Variants in RP1 observed in about 807,000 individuals in gnomAD.
RP1 encodes the protein RP1 axonemal microtubule associated.
A neutral mutation model predicts 14.8 loss-of-function variants in RP1; 16 were observed. That is an observed-to-expected ratio of 1.08 (90% CI 0.73 to 1.65). The LOEUF is 1.65. Among genes scored for constraint, RP1 ranks in the 40% most tolerant of loss-of-function variants. The probability of loss-of-function intolerance (pLI) is 0.00; values close to 1 mark genes in which losing one functional copy is unlikely to be tolerated. For missense variants in RP1, 2,631 were observed against 2,535.0 expected (o/e 1.04, Z -0.81); for synonymous variants, 876 against 883.6 (o/e 0.99, Z 0.15).
chr8:54,836,036 C>A (rs560221625), intron 24 of RP1, among the ~76,000 whole-genome samples: 6 of 152,210 alleles, frequency 3.9e-5, no homozygotes, highest in African/African-American at 1.4e-4. Flanking sequence ...CTCTGTGCAC[C>A]CAGACTAGAG....
At chr8:54,668,451 C>T (rs1466514718) in intron 7 of RP1, among the ~76,000 whole-genome samples, 1 of 152,074 alleles carries the variant, frequency 6.6e-6, no homozygotes. Flanking sequence ...CCATACTGCC[C>T]AAGGTAATTT....
intron 24 of RP1, among the ~76,000 whole-genome samples, chr8:54,785,169 A>G (rs1233415132): frequency 6.6e-6 from 1 of 152,036 alleles, no homozygotes; most frequent in East Asian, 1.9e-4. Flanking sequence ...GAAACTCTCC[A>G]TTTTCCTATC....
At chr8:54,796,264 A>C (rs1356281514) in intron 24 of RP1, among the ~76,000 whole-genome samples, 1 of 152,200 alleles carries the variant, frequency 6.6e-6, no homozygotes, top group African/African-American at 2.4e-5. Flanking sequence ...GTGGGTATAT[A>C]AAATCAATGT....
At chr8:54,649,300 T>C (rs547286339) in intron 4 of RP1, among the ~76,000 whole-genome samples, 4 of 152,230 alleles carry the variant, frequency 2.6e-5, no homozygotes, top group African/African-American at 9.6e-5. Context: ...CAAGCAGATT[T>C]AACACAAGTA....
rs757085666 is a variant in RP1 at position 54,629,103 on chromosome 8, A to G, written c.5221A>G (p.Ile1741Val). 5 of 1,614,056 alleles carry G rather than the reference A, an allele frequency of 3.1e-6. No individual in the cohort carries two copies. The highest frequency in any genetic ancestry group is 1.7e-5 in the Admixed American group (1 of 60,010). Residue 1741 changes from isoleucine (I) to valine (V), a missense_variant, in exon 4 of 4, where the codon ATT becomes GTT. Coordinates refer to ENST00000220676, the MANE Select transcript of RP1 (RefSeq NM_006269.2). The stretch of plus-strand genomic sequence containing the variant: ...CACAGACATAGAGGAAGGAGTACTG[A>G]TTGACAAAGGCAAATGGCTTCTGAA... ...ILTDIEEGVLIDKGKWLLKEN... is the reference protein window; with the variant it reads ...ILTDIEEGVLVDKGKWLLKEN...
At chr8:54,791,218 A>C (rs1294048812) in intron 24 of RP1, among the ~76,000 whole-genome samples, 4 of 151,968 alleles carry the variant, frequency 2.6e-5, no homozygotes, top group East Asian at 1.9e-4. Context: ...ACTAAAAAAA[A>C]CCTGCCAACC....
At chr8:54,746,043 C>A (rs1030036142) in intron 19 of RP1, among the ~76,000 whole-genome samples, 2 of 152,168 alleles carry the variant, frequency 1.3e-5, no homozygotes, top group African/African-American at 4.8e-5. Context: ...CTTGGAAAAT[C>A]TGAAAGTCTG....
rs141815811 is a variant in RP1 at position 54,562,628 on chromosome 8, G to A, written c.-13+3308G>A. Among the ~76,000 whole-genome samples the A allele has an allele frequency of 4.3e-4, 65 of 151,960 alleles. 1 individual carries two copies. Among genetic ancestry groups the A allele is most frequent in the African/African-American group, 1.4e-3 (60 of 41,450 alleles). The stretch of plus-strand genomic sequence containing the variant: ...GGCAGAGGTTGCAGTGAACCGAGAT[G>A]GTGCCATGGCACTCTAGCCTGGGTG... On this transcript the variant is annotated intron_variant, in intron 1 of 22. Transcript: ENST00000636932.
At chr8:54,724,763 C>T (rs921342108) in intron 16 of RP1, among the ~76,000 whole-genome samples, 7 of 152,110 alleles carry the variant, frequency 4.6e-5, no homozygotes, top group Non-Finnish European at 8.8e-5. Flanking sequence ...ATGACATTTC[C>T]AGAAAATGTC....
intron 24 of RP1, among the ~76,000 whole-genome samples, chr8:54,819,190 G>C (rs985833369): frequency 1.3e-5 from 2 of 151,198 alleles, no homozygotes; most frequent in African/African-American, 4.9e-5. Flanking sequence ...TTTTCATATA[G>C]CCTGCCTTCA....
chr8:54,567,266 C>T (rs1166825028), intron 1 of RP1, among the ~76,000 whole-genome samples: 1 of 152,132 alleles, frequency 6.6e-6, no homozygotes, highest in Non-Finnish European at 1.5e-5. Flanking sequence ...TGCACTGTTA[C>T]CATCAGCTAA....
At chr8:54,608,298 C>A (rs147643732) in intron 1 of RP1, among the ~76,000 whole-genome samples, 1 of 151,062 alleles carries the variant, frequency 6.6e-6, no homozygotes, top group Admixed American at 6.6e-5. Context: ...AAGTGTGAAT[C>A]ATCCACTTTA....
At chr8:54,585,809 T>C (rs887211026) in intron 1 of RP1, among the ~76,000 whole-genome samples, 10 of 152,262 alleles carry the variant, frequency 6.6e-5, no homozygotes, top group African/African-American at 2.4e-4. Flanking sequence ...GGCTTGTGCA[T>C]TCATCACGTA....
intron 12 of RP1, among the ~76,000 whole-genome samples, chr8:54,698,644 T>C (rs1807933440): frequency 6.6e-6 from 1 of 152,078 alleles, no homozygotes; most frequent in Non-Finnish European, 1.5e-5. Context: ...AACACAAATG[T>C]CCATCAATGA....
exon 29 of RP1, chr8:54,869,895 G>A (rs1385960753): frequency 7.7e-5 from 95 of 1,231,932 alleles, no homozygotes; most frequent in Non-Finnish European, 9.1e-5. Context: ...ATTGCTCGCA[G>A]AAAGTAGTCC....
At chr8:54,830,082 C>T (rs1160825410) in intron 24 of RP1, among the ~76,000 whole-genome samples, 2 of 152,038 alleles carry the variant, frequency 1.3e-5, no homozygotes, top group African/African-American at 4.8e-5. Context: ...GTTCTATATT[C>T]CTACTTATTT....
At chr8:54,694,171 A>G (rs1378582053) in intron 12 of RP1, among the ~76,000 whole-genome samples, 1 of 152,170 alleles carries the variant, frequency 6.6e-6, no homozygotes, top group Non-Finnish European at 1.5e-5. Context: ...GATGAAGCCC[A>G]CTTGATCATA....
chr8:54,611,790 C>G (rs1805599539), upstream of RP1, among the ~76,000 whole-genome samples: 1 of 151,976 alleles, frequency 6.6e-6, no homozygotes, highest in Non-Finnish European at 1.5e-5. Flanking sequence ...GTTTAAAACT[C>G]TATTTGAATC....
intron 24 of RP1, among the ~76,000 whole-genome samples, chr8:54,812,117 A>G (rs1172186179): frequency 6.6e-6 from 1 of 152,180 alleles, no homozygotes; most frequent in Admixed American, 6.5e-5. Flanking sequence ...ACAATAAGAA[A>G]TATGTACGTT....
Sources: allele counts gnomAD v4.1 joint callset (sites outside exome capture counted in the v4.1 genomes callset), GRCh38; gene constraint gnomAD v4.1.1; transcripts MANE v1.5; gene names NCBI Gene and HGNC (gene_info 2026-07-23, HGNC 2026-07-21).